The following ATP10A variants were observed in gnomAD, a reference collection of about 807,000 sequenced individuals.
The protein encoded by ATP10A is ATPase phospholipid transporting 10A (putative), also known as phospholipid-transporting ATPase VA.
In ATP10A, 111 loss-of-function variants were observed where a neutral mutation model predicts 147.8. That is an observed-to-expected ratio of 0.75 (90% CI 0.64 to 0.88). The LOEUF is 0.88. Ranked by LOEUF, ATP10A falls within the 40% of genes least tolerant of loss-of-function variation. The pLI is 0.00. For missense variants in ATP10A, 1,927 were observed against 1,959.0 expected, an observed-to-expected ratio of 0.98 and a Z score of 0.31; for synonymous variants, 875 against 841.6, an observed-to-expected ratio of 1.04 and a Z score of -0.69.
chr15:25,794,548 A>G (rs1023602443), intron 1 of ATP10A, among the ~76,000 whole-genome samples: 2 of 152,166 alleles, frequency 1.3e-5, no homozygotes, highest in African/African-American at 4.8e-5. Context: ...ACTTTAACAC[A>G]TGGATCAAAA....
intron 9 of ATP10A, 106 bp downstream of exon 9, chr15:25,716,624 G>A: frequency 1.7e-6 from 2 of 1,144,458 alleles, no homozygotes; most frequent in Non-Finnish European, 2.5e-6. Context: ...TGTGCCAAGA[G>A]CGCTTGCTGC....
downstream of ATP10A, among the ~76,000 whole-genome samples, chr15:25,675,766 C>G (rs757375166): frequency 3.9e-5 from 6 of 152,258 alleles, no homozygotes; most frequent in Middle Eastern, 0.014. Flanking sequence ...GCCAACACGG[C>G]GAAAGCCCAT....
intron 1 of ATP10A, among the ~76,000 whole-genome samples, chr15:25,858,000 C>A (rs566820214): frequency 2.1e-4 from 32 of 152,310 alleles, no homozygotes; most frequent in South Asian, 1.7e-3. Context: ...CATGAACAAG[C>A]CTGCCTTTGG....
chr15:25,830,808 C>T (rs995880453), intron 1 of ATP10A, among the ~76,000 whole-genome samples: 22 of 152,182 alleles, frequency 1.4e-4, no homozygotes, highest in South Asian at 1.2e-3. Context: ...AAACGTGCCA[C>T]CTGATGAGGC....
At position 25,702,041 on chromosome 15, in the gene ATP10A, G is replaced by A. The variant is rs763611613; in HGVS notation, c.2635C>T (p.Arg879Cys). ...ACCCAAATCTGCAGGCCCGCTTGAC[G>A]CAATTTAGAAATAGTTTCAGGGACT... ...DGVPETISKL[R>C]QAGLQIWVLT... The change falls in exon 13 of 21, where the codon CGT (arginine) becomes TGT (cysteine). Residue 879 changes from arginine to cysteine, a missense_variant. Transcript: ENST00000555815. The A allele has an allele frequency of 3.0e-5, 48 of 1,614,024 alleles. No individual in the cohort carries two copies. Among genetic ancestry groups the A allele is most frequent in the Non-Finnish European group, 4.1e-5 (48 of 1,180,014 alleles).
intron 2 of ATP10A, among the ~76,000 whole-genome samples, chr15:25,777,963 A>T (rs1393765944): frequency 6.6e-6 from 1 of 151,894 alleles, no homozygotes; most frequent in Non-Finnish European, 1.5e-5. Flanking sequence ...TTTTTTAAAG[A>T]TAACAGCTTT....
At chr15:25,765,893 CA>C (rs1398960336) in intron 2 of ATP10A, among the ~76,000 whole-genome samples, 1 of 152,182 alleles carries the variant, frequency 6.6e-6, no homozygotes, top group East Asian at 1.9e-4. Context: ...CACCACCTGC[CA>C]GGTGCAGTGC....
chr15:25,705,467 C>CCA (rs1555457342), intron 12 of ATP10A, among the ~76,000 whole-genome samples: 21 of 127,950 alleles, frequency 1.6e-4, no homozygotes, highest in African/African-American at 5.1e-4. Context: ...AAAAAAAAAA[C>CCA]AAAAAAAATC....
chr15:25,702,647 T>G (rs1248180829), intron 12 of ATP10A, among the ~76,000 whole-genome samples: 1 of 152,238 alleles, frequency 6.6e-6, no homozygotes, highest in Non-Finnish European at 1.5e-5. Context: ...AAATATGCTT[T>G]TTCCACAAAC....
intron 2 of ATP10A, among the ~76,000 whole-genome samples, chr15:25,767,993 C>T (rs1241040025): frequency 1.3e-5 from 2 of 152,224 alleles, no homozygotes; most frequent in Non-Finnish European, 2.9e-5. Flanking sequence ...CAAGGGGGTC[C>T]AACGGGCGCA....
intron 1 of ATP10A, among the ~76,000 whole-genome samples, chr15:25,822,635 CT>C (rs1306789222): frequency 1.3e-5 from 2 of 152,202 alleles, no homozygotes; most frequent in African/African-American, 2.4e-5. Flanking sequence ...CCTGACCTGT[CT>C]CACTCCAAGG....
intron 2 of ATP10A, among the ~76,000 whole-genome samples, chr15:25,742,202 C>A (rs1887616733): frequency 6.6e-6 from 1 of 152,260 alleles, no homozygotes; most frequent in South Asian, 2.1e-4. Context: ...TCCACGGTGA[C>A]AAGCTGACAG....
intron 2 of ATP10A, among the ~76,000 whole-genome samples, chr15:25,775,277 T>C (rs1889547329): frequency 6.6e-6 from 1 of 152,202 alleles, no homozygotes; most frequent in Non-Finnish European, 1.5e-5. Context: ...TTAAAAAAAA[T>C]ATTTTGTCTT....
chr15:25,839,672 A>G (rs1311959180), intron 1 of ATP10A, among the ~76,000 whole-genome samples: 1 of 152,092 alleles, frequency 6.6e-6, no homozygotes, highest in Admixed American at 6.5e-5. Flanking sequence ...CCAAATTTCC[A>G]TGTCTTCTTC....
chr15:25,862,999 G>C lies in ATP10A; in HGVS notation c.98C>G (p.Pro33Arg). Residue 33 changes from proline to arginine, a missense_variant, in exon 1 of 21, where the codon CCG becomes CGG. By Grantham distance (103) the Pro-to-Arg change is moderately radical. Transcript: ENST00000555815. ...RTRTVRSNLL[P>R]PPGAEDPAAG... ...CGCAGGGTCCTCGGCGCCCGGGGGC[G>C]GCAGCAGGTTGGAGCGCACCGTGCG... The C allele has an allele frequency of 7.1e-7, 1 of 1,409,614 alleles. No individual in the cohort carries two copies. The highest frequency in any genetic ancestry group is 1.5e-5 in the African/African-American group (1 of 66,106). The allele number at this position is 1,409,614 out of a possible 1,614,324, so 87.3% of individuals were successfully genotyped here.
At chr15:25,850,638 T>TCCCTCCCC (rs1893248698) in intron 1 of ATP10A, among the ~76,000 whole-genome samples, 1 of 53,302 alleles carries the variant, frequency 1.9e-5, no homozygotes, top group African/African-American at 6.9e-5. Flanking sequence ...TCTCCCTCCC[T>TCCCTCCCC]CCCTCCCCCC....
chr15:25,782,614 G>C (rs1889976919), intron 1 of ATP10A, among the ~76,000 whole-genome samples: 1 of 152,110 alleles, frequency 6.6e-6, no homozygotes, highest in Admixed American at 6.5e-5. Flanking sequence ...CAAGCCACCT[G>C]CTTAGAACAA....
At chr15:25,726,912 G>T (rs1476173816) in intron 4 of ATP10A, among the ~76,000 whole-genome samples, 1 of 148,500 alleles carries the variant, frequency 6.7e-6, no homozygotes, top group African/African-American at 2.5e-5. Context: ...AAAAAAAAAG[G>T]AGCCGGGCGT....
At position 25,705,052 on chromosome 15, in the gene ATP10A, C is replaced by T. The variant is rs141430561; in HGVS notation, c.2575+2924G>A. Among the ~76,000 whole-genome samples the T allele has an allele frequency of 7.9e-5, 12 of 152,264 alleles. No individual in the cohort carries two copies. In the East Asian group the frequency reaches 1.7e-3, roughly 22 times the overall value. ...TATCCTTTGAATTTAGGTTCCTGCC[C>T]AGAGCATTAAGGAAAAGAAAATTTC... is the stretch of plus-strand genomic sequence containing the variant. On this transcript the variant is annotated intron_variant, in intron 12 of 20. Transcript: ENST00000555815.
Sources: gnomAD v4.1 joint callset for allele counts (sites outside exome capture counted in the v4.1 genomes callset) on GRCh38, gnomAD v4.1.1 for gene constraint, MANE v1.5 for transcripts, NCBI Gene and HGNC (gene_info 2026-07-23, HGNC 2026-07-21) for gene names.